Variants in TNFSF4 observed in about 807,000 individuals in gnomAD.
TNFSF4 encodes the protein tumor necrosis factor ligand superfamily member 4.
A neutral mutation model predicts 7.3 loss-of-function variants in TNFSF4; 4 were observed. The observed-to-expected ratio is 0.55, with a 90% CI of 0.27 to 1.25. The LOEUF is 1.25. TNFSF4 is among the 50% of genes most tolerant of loss of function. The pLI, the probability that TNFSF4 is intolerant of heterozygous loss-of-function variation, is 0.12. For missense variants in TNFSF4, 181 were observed against 208.8 expected, an observed-to-expected ratio of 0.87 and a Z score of 0.82; for synonymous variants, 76 against 83.7, an observed-to-expected ratio of 0.91 and a Z score of 0.50.
chr1:173,277,449 T>C, the TNFSF4 span, among the ~76,000 whole-genome samples: 64 of 152,238 alleles, frequency 4.2e-4, no homozygotes, highest in African/African-American at 1.4e-3. Flanking sequence ...TTCTAGGGTG[T>C]CCTCAGAACT....
intron 1 of TNFSF4, among the ~76,000 whole-genome samples, chr1:173,194,795 T>G (rs907696683): frequency 7.5e-4 from 108 of 144,732 alleles, no homozygotes; most frequent in African/African-American, 2.8e-3. Flanking sequence ...CTTGGGAAGC[T>G]AAGGTGGGAG....
the TNFSF4 span, among the ~76,000 whole-genome samples, chr1:173,214,641 T>C: frequency 6.6e-6 from 1 of 152,216 alleles, no homozygotes; most frequent in African/African-American, 2.4e-5. Flanking sequence ...TAAGTTTGTG[T>C]TGGGCTGCAC....
chr1:173,341,297 T>A, the TNFSF4 span, among the ~76,000 whole-genome samples: 1 of 152,154 alleles, frequency 6.6e-6, no homozygotes, highest in Non-Finnish European at 1.5e-5. Flanking sequence ...CACAGCAGTG[T>A]AGAAGATCAA....
At chr1:173,284,833 C>T in the TNFSF4 span, among the ~76,000 whole-genome samples, 1 of 152,166 alleles carries the variant, frequency 6.6e-6, no homozygotes, top group South Asian at 2.1e-4. Flanking sequence ...CATTACTACT[C>T]ATTAACAATG....
At chr1:173,238,005 C>T in the TNFSF4 span, among the ~76,000 whole-genome samples, 2 of 152,098 alleles carry the variant, frequency 1.3e-5, no homozygotes, top group African/African-American at 4.8e-5. Flanking sequence ...CAACTTCAAA[C>T]TGTACTACAA....
At chr1:173,275,269 G>A in the TNFSF4 span, among the ~76,000 whole-genome samples, 93 of 152,212 alleles carry the variant, frequency 6.1e-4, 2 homozygotes, top group East Asian at 0.017. Context: ...GGAACCCTGA[G>A]CTTAGGAAAC....
At chr1:173,198,583 C>T (rs1330777030) in intron 1 of TNFSF4, among the ~76,000 whole-genome samples, 2 of 152,180 alleles carry the variant, frequency 1.3e-5, no homozygotes, top group Admixed American at 1.3e-4. Context: ...CGTGCCACTG[C>T]ACTCCAGCCT....
chr1:173,409,552 T>A, the TNFSF4 span, among the ~76,000 whole-genome samples: 4,703 of 152,284 alleles, frequency 0.031, 105 homozygotes, highest in East Asian at 0.059. Flanking sequence ...TTCTTTAGGA[T>A]TGAAATTATT....
chr1:173,238,796 T>A, the TNFSF4 span, among the ~76,000 whole-genome samples: 1 of 152,138 alleles, frequency 6.6e-6, no homozygotes. Context: ...ACTTATACAC[T>A]GCTGGTGGGA....
chr1:173,234,752 C>T, the TNFSF4 span, among the ~76,000 whole-genome samples: 1 of 152,080 alleles, frequency 6.6e-6, no homozygotes, highest in East Asian at 1.9e-4. Flanking sequence ...AATGAGAACA[C>T]TTGGACACAG....
chr1:173,261,278 A>G, the TNFSF4 span, among the ~76,000 whole-genome samples: 1 of 152,348 alleles, frequency 6.6e-6, no homozygotes, highest in African/African-American at 2.4e-5. Flanking sequence ...CTTTGAAACT[A>G]GTGAGAACAA....
upstream of TNFSF4, among the ~76,000 whole-genome samples, chr1:173,208,512 A>C (rs766224727): frequency 1.3e-5 from 2 of 152,226 alleles, no homozygotes; most frequent in Non-Finnish European, 2.9e-5. Flanking sequence ...GTATTAATCA[A>C]TTAAAATATG....
chr1:173,194,069 A>G (rs1181064185), intron 1 of TNFSF4, among the ~76,000 whole-genome samples: 2 of 152,254 alleles, frequency 1.3e-5, no homozygotes. Flanking sequence ...AGATTTAAAA[A>G]TCACTGCTGT....
chr1:173,284,996 T>C, the TNFSF4 span, among the ~76,000 whole-genome samples: 2 of 152,202 alleles, frequency 1.3e-5, no homozygotes, highest in South Asian at 4.1e-4. Context: ...TCAGGCTATA[T>C]CTGCCATAAG....
At chr1:173,264,837 G>A in the TNFSF4 span, among the ~76,000 whole-genome samples, 1 of 152,146 alleles carries the variant, frequency 6.6e-6, no homozygotes, top group South Asian at 2.1e-4. Flanking sequence ...CTGTTCTTAA[G>A]TGACTCTCCC....
chr1:173,202,426 CT>C (rs1557885663), intron 1 of TNFSF4, among the ~76,000 whole-genome samples: 2 of 152,154 alleles, frequency 1.3e-5, no homozygotes, highest in African/African-American at 2.4e-5. Flanking sequence ...TTAGCTGCCC[CT>C]GATATTGTTC....
the TNFSF4 span, among the ~76,000 whole-genome samples, chr1:173,309,281 C>A: frequency 6.6e-6 from 1 of 151,800 alleles, no homozygotes; most frequent in Non-Finnish European, 1.5e-5. Flanking sequence ...TGCAGTCATC[C>A]TTATTTTATT....
At chr1:173,244,438 C>G in the TNFSF4 span, among the ~76,000 whole-genome samples, 1 of 151,632 alleles carries the variant, frequency 6.6e-6, no homozygotes, top group African/African-American at 2.4e-5. Flanking sequence ...GTCAGGAGAT[C>G]GAGACCATCC....
intron 1 of TNFSF4, among the ~76,000 whole-genome samples, chr1:173,203,685 T>C (rs1468747074): frequency 1.3e-5 from 2 of 151,814 alleles, no homozygotes; most frequent in African/African-American, 2.4e-5. Context: ...TGTTCCCAGC[T>C]GAAAAAAAAG....
Sources: allele counts gnomAD v4.1 joint callset (sites outside exome capture counted in the v4.1 genomes callset), GRCh38; gene constraint gnomAD v4.1.1; transcripts MANE v1.5; gene names NCBI Gene and HGNC (gene_info 2026-07-23, HGNC 2026-07-21).